Variants in ERBB4 observed in about 807,000 individuals in gnomAD.
ERBB4 encodes the protein receptor tyrosine-protein kinase erbB-4.
Under a neutral mutation model 158.0 loss-of-function variants are expected in ERBB4, and 42 were observed. That is an observed-to-expected ratio of 0.27 (90% CI 0.21 to 0.34). The LOEUF (loss-of-function observed/expected upper bound fraction) is 0.34, where lower values mean the gene tolerates loss of function less well. Among genes scored for constraint, ERBB4 ranks in the 10% least tolerant of loss-of-function variants. The probability of loss-of-function intolerance (pLI) is 1.00; values close to 1 mark genes in which losing one functional copy is unlikely to be tolerated. For missense variants in ERBB4, 1,333 were observed against 1,624.1 expected (o/e 0.82, Z 3.08); for synonymous variants, 583 against 558.7 (o/e 1.04, Z -0.61).
chr2:211,540,927 G>T (rs2066791580), intron 20 of ERBB4, among the ~76,000 whole-genome samples: 1 of 151,860 alleles, frequency 6.6e-6, no homozygotes, highest in Non-Finnish European at 1.5e-5. Flanking sequence ...ACAGTATGTT[G>T]TTGTGCTTAA....
At chr2:211,624,369 A>G (rs2069754269) in intron 17 of ERBB4, among the ~76,000 whole-genome samples, 1 of 152,174 alleles carries the variant, frequency 6.6e-6, no homozygotes, top group Non-Finnish European at 1.5e-5. Flanking sequence ...AGAGCTTAAA[A>G]TATACCTGGG....
At position 211,894,544 on chromosome 2, in the gene ERBB4, TA is replaced by T. The variant is rs547769782; in HGVS notation, c.421+52885del. Among the ~76,000 whole-genome samples the T allele has an allele frequency of 3.5e-3, 538 of 152,002 alleles. 2 individuals carry two copies. The highest frequency in any genetic ancestry group is 0.012 in the African/African-American group (514 of 41,460). ...ACCTGCACAATGTGCACATGTACCC[TA>T]AAACTTAAAGTATAATAAAAAAAAA... On this transcript the variant is annotated intron_variant, in intron 3 of 27. Transcript: ENST00000342788.
At chr2:212,388,578 A>G (rs2090755401) in intron 1 of ERBB4, among the ~76,000 whole-genome samples, 1 of 152,072 alleles carries the variant, frequency 6.6e-6, no homozygotes, top group Non-Finnish European at 1.5e-5. Context: ...ATTTTCCTCC[A>G]GAGGGTTGTC....
chr2:211,392,793 G>C (rs568258469), intron 25 of ERBB4, among the ~76,000 whole-genome samples: 1 of 151,972 alleles, frequency 6.6e-6, no homozygotes, highest in East Asian at 1.9e-4. Flanking sequence ...TCAGCCTCCC[G>C]AGTAGCTGGG....
chr2:212,342,967 ACTCAAGAATTT>A, intron 1 of ERBB4, among the ~76,000 whole-genome samples: 1 of 152,262 alleles, frequency 6.6e-6, no homozygotes, highest in South Asian at 2.1e-4. Flanking sequence ...TTAATGTTTA[ACTCAAGAATTT>A]CTATATTTTT....
At chr2:211,914,950 A>G (rs962302079) in intron 3 of ERBB4, among the ~76,000 whole-genome samples, 1 of 152,092 alleles carries the variant, frequency 6.6e-6, no homozygotes, top group Non-Finnish European at 1.5e-5. Context: ...TAAAATCCCA[A>G]TCCTGTTTCC....
chr2:211,537,305 T>C (rs2066682681), intron 20 of ERBB4, among the ~76,000 whole-genome samples: 1 of 138,858 alleles, frequency 7.2e-6, no homozygotes. Context: ...GCAATTGCTG[T>C]AAGGTCTGGC....
At chr2:212,310,922 T>C (rs1052398788) in intron 1 of ERBB4, among the ~76,000 whole-genome samples, 1 of 150,690 alleles carries the variant, frequency 6.6e-6, no homozygotes, top group African/African-American at 2.4e-5. Context: ...AAATTATCAA[T>C]GAGCTATTTT....
intron 1 of ERBB4, among the ~76,000 whole-genome samples, chr2:212,439,602 T>C (rs2092210481): frequency 6.6e-6 from 1 of 152,196 alleles, no homozygotes; most frequent in Admixed American, 6.5e-5. Flanking sequence ...ATGCATTATT[T>C]CTGTAGGTAT....
At chr2:211,956,030 G>GTA (rs1559181711) in intron 2 of ERBB4, among the ~76,000 whole-genome samples, 1 of 31,704 alleles carries the variant, frequency 3.2e-5, no homozygotes, top group Non-Finnish European at 8.7e-5. Context: ...CATCTCTAAA[G>GTA]TGTGTGTGTG....
At chr2:212,376,367 T>C (rs1252879257) in intron 1 of ERBB4, among the ~76,000 whole-genome samples, 3 of 152,068 alleles carry the variant, frequency 2.0e-5, no homozygotes, top group Admixed American at 2.0e-4. Context: ...AACAGTTTTT[T>C]GGGATGCTCA....
At chr2:211,611,381 C>T (rs1408476650) in intron 19 of ERBB4, among the ~76,000 whole-genome samples, 2 of 113,384 alleles carry the variant, frequency 1.8e-5, no homozygotes, top group Admixed American at 8.9e-5. Flanking sequence ...AAAGGCAACC[C>T]TTCTGGGTCC....
intron 20 of ERBB4, among the ~76,000 whole-genome samples, chr2:211,472,689 G>A (rs1018523697): frequency 6.6e-6 from 1 of 151,800 alleles, no homozygotes; most frequent in Admixed American, 6.6e-5. Flanking sequence ...TCTTCAATCA[G>A]TCACATGGAC....
chr2:212,005,438 G>A (rs2076237618), intron 2 of ERBB4, among the ~76,000 whole-genome samples: 1 of 152,134 alleles, frequency 6.6e-6, no homozygotes, highest in South Asian at 2.1e-4. Context: ...TCAAAGAAAG[G>A]AAATTACAAT....
chr2:212,062,533 G>A (rs1022846965), intron 2 of ERBB4, among the ~76,000 whole-genome samples: 3 of 148,724 alleles, frequency 2.0e-5, no homozygotes, highest in African/African-American at 7.4e-5. Context: ...TCAGCCTCCC[G>A]AGTAGCTGAG....
chr2:212,091,725 A>G (rs897445229), intron 2 of ERBB4, among the ~76,000 whole-genome samples: 2 of 152,146 alleles, frequency 1.3e-5, no homozygotes, highest in Non-Finnish European at 2.9e-5. Flanking sequence ...AAATATTAAC[A>G]ATAGCTAGTT....
chr2:211,483,492 T>A (rs2065132880), intron 20 of ERBB4, among the ~76,000 whole-genome samples: 1 of 152,142 alleles, frequency 6.6e-6, no homozygotes, highest in African/African-American at 2.4e-5. Context: ...TATAAATAGA[T>A]ACATAAGAGT....
intron 19 of ERBB4, among the ~76,000 whole-genome samples, chr2:211,612,914 T>A (rs1372233846): frequency 6.6e-6 from 1 of 152,008 alleles, no homozygotes; most frequent in East Asian, 1.9e-4. Context: ...GGTTGTGACA[T>A]TCAAGGATAA....
At position 211,377,212 on chromosome 2, in the gene ERBB4, T is replaced by C. The variant is rs2062490657; in HGVS notation, c.*6403A>G. 8.6e-6 allele frequency: 2 copies of C among 232,348 alleles called. No individual in the cohort carries two copies. Among genetic ancestry groups the C allele is most frequent in the Non-Finnish European group, 1.7e-5 (2 of 117,558 alleles). 14.4% of individuals were successfully genotyped at this position (232,348 alleles called of 1,614,324 possible). A position where few individuals can be genotyped will look rare whatever the true frequency, so the allele number is the denominator to read the frequency against. On this transcript the variant is annotated 3_prime_UTR_variant, in exon 28 of 28. Coordinates refer to ENST00000342788, the MANE Select transcript of ERBB4 (RefSeq NM_005235.3). ...CCCAATTAACTAAAAAATCTGGAAA[T>C]GACATTTGAAAACCAGATTCGTGTC... is the stretch of plus-strand genomic sequence containing the variant.
Sources: allele counts gnomAD v4.1 joint callset (sites outside exome capture counted in the v4.1 genomes callset), GRCh38; gene constraint gnomAD v4.1.1; transcripts MANE v1.5; gene names NCBI Gene and HGNC (gene_info 2026-07-23, HGNC 2026-07-21).